Variants in KMT5B observed in about 807,000 individuals in gnomAD.
KMT5B encodes histone-lysine N-methyltransferase KMT5B.
Under a neutral mutation model 83.2 loss-of-function variants are expected in KMT5B, and 10 were observed. The observed-to-expected ratio is 0.12, with a 90% confidence interval of 0.07 to 0.20. The LOEUF (loss-of-function observed/expected upper bound fraction) is 0.20, where lower values mean the gene tolerates loss of function less well. Ranked by LOEUF, KMT5B falls within the 10% of genes least tolerant of loss-of-function variation. KMT5B has a pLI of 1.00. For synonymous variants in KMT5B, 349 were observed against 388.8 expected, an observed-to-expected ratio of 0.90 and a Z score of 1.20; for missense variants, 753 against 1,067.2, an observed-to-expected ratio of 0.71 and a Z score of 4.10.
At chr11:68,200,577 C>T (rs1371718550) in intron 1 of KMT5B, among the ~76,000 whole-genome samples, 1 of 152,088 alleles carries the variant, frequency 6.6e-6, no homozygotes, top group Admixed American at 6.6e-5. Context: ...GACTGACTCG[C>T]AGGCCAGAAA....
chr11:68,202,696 G>A (rs1033156043), intron 1 of KMT5B, among the ~76,000 whole-genome samples: 16 of 151,510 alleles, frequency 1.1e-4, no homozygotes, highest in Admixed American at 8.6e-4. Context: ...TTACAGGCGC[G>A]CACCACTATG....
intron 3 of KMT5B, among the ~76,000 whole-genome samples, chr11:68,180,984 G>GT (rs1211796422): frequency 6.6e-6 from 1 of 151,982 alleles, no homozygotes; most frequent in African/African-American, 2.4e-5. Flanking sequence ...GTTAGTAAAT[G>GT]TAAGGATATA....
chr11:68,206,126 G>C (rs1231665076), intron 1 of KMT5B, among the ~76,000 whole-genome samples: 7 of 152,134 alleles, frequency 4.6e-5, no homozygotes, highest in Non-Finnish European at 1.0e-4. Flanking sequence ...TCACTGATGG[G>C]GTTGTTGAGG....
At position 68,158,977 on chromosome 11, in the gene KMT5B, G is replaced by A. The variant is rs373472607; in HGVS notation, c.1369C>T (p.His457Tyr). 3.7e-6 allele frequency: 6 copies of A among 1,611,808 alleles called. No homozygotes were observed. In the African/African-American group the frequency reaches 6.7e-5, roughly 18 times the overall value. Residue 457 changes from histidine (H) to tyrosine (Y), a missense_variant, in exon 11 of 11, where the codon CAT becomes TAT. Transcript: ENST00000304363. ...PLLSKIKLRN[H>Y]CKRLEQKNAS... ...TTCTTTTGCTCCAGCCGCTTGCAAT[G>A]ATTTCTCAATTTTATCTTTGAAAGT...
At position 68,203,713 on chromosome 11, in the gene KMT5B, C is replaced by T. The variant is rs549618833; in HGVS notation, c.-77+9425G>A. On this transcript the variant is annotated intron_variant, in intron 1 of 10. Transcript: ENST00000304363. ...CTTGCTCCTATAAACATTGTTGTCT[C>T]ACCTGAGAAGCTAGGTGACTTGTCA... is the stretch of plus-strand genomic sequence containing the variant. Among the ~76,000 whole-genome samples the T allele has an allele frequency of 2.0e-5, 3 of 152,328 alleles. No individual in the cohort carries two copies. The South Asian group carries it at 6.2e-4, about 32-fold the overall frequency.
chr11:68,213,218 G>T lies in KMT5B; in HGVS notation c.-157C>A, dbSNP rs1169089948. On this transcript the variant is annotated 5_prime_UTR_variant, in exon 1 of 11. Coordinates refer to ENST00000304363, the MANE Select transcript of KMT5B (RefSeq NM_017635.5). Reference sequence around the variant, plus strand: ...GCTGCGATGCGGGGCCGCGCCGCCGGGCCCCGCGTCCCAGTCCCCCCCAGA... The same window carrying T: ...GCTGCGATGCGGGGCCGCGCCGCCGTGCCCCGCGTCCCAGTCCCCCCCAGA... 6.9e-6 allele frequency: 1 copy of T among 144,430 alleles called. No individual in the cohort carries two copies. Among genetic ancestry groups the T allele is most frequent in the Admixed American group, 6.8e-5 (1 of 14,626 alleles). The allele number at this position is 144,430 out of a possible 1,614,324, so 8.9% of individuals were successfully genotyped here.
chr11:68,190,987 T>A (rs916986334), intron 1 of KMT5B, among the ~76,000 whole-genome samples: 2 of 152,030 alleles, frequency 1.3e-5, no homozygotes, highest in African/African-American at 4.8e-5. Flanking sequence ...AAAATAATAA[T>A]ATATTTTTGT....
chr11:68,194,799 C>CT (rs1180011127), intron 1 of KMT5B, among the ~76,000 whole-genome samples: 1 of 152,166 alleles, frequency 6.6e-6, no homozygotes, highest in Non-Finnish European at 1.5e-5. Flanking sequence ...TGGCTATAAG[C>CT]TTTCATTGGT....
chr11:68,166,317 T>C, intron 10 of KMT5B: 1 of 1,061,342 alleles, frequency 9.4e-7, no homozygotes, highest in Non-Finnish European at 1.1e-6. Flanking sequence ...TCGTTCTCTT[T>C]TTCAGTTTCC....
chr11:68,197,069 C>G (rs1858813420), intron 1 of KMT5B, among the ~76,000 whole-genome samples: 3 of 151,716 alleles, frequency 2.0e-5, no homozygotes, highest in Admixed American at 6.6e-5. Context: ...TTCCTGGGTT[C>G]AAGCGATTCT....
intron 1 of KMT5B, among the ~76,000 whole-genome samples, chr11:68,207,682 T>C (rs1860306422): frequency 6.6e-6 from 1 of 150,676 alleles, no homozygotes; most frequent in South Asian, 2.1e-4. Flanking sequence ...TCCCAGCTAC[T>C]CGGGAGGCTG....
At chr11:68,176,551 C>G (rs533160143) in intron 4 of KMT5B, 1 of 152,092 alleles carries the variant, frequency 6.6e-6, no homozygotes, top group Admixed American at 6.6e-5. Flanking sequence ...TTTGGGAGGT[C>G]GAGGCGGATG....
chr11:68,182,416 A>T (rs1371894946), intron 3 of KMT5B, among the ~76,000 whole-genome samples: 1 of 152,230 alleles, frequency 6.6e-6, no homozygotes, highest in Non-Finnish European at 1.5e-5. Context: ...TAAACTAATT[A>T]TAAGAAGCAA....
chr11:68,212,102 A>T (rs955063322), intron 1 of KMT5B, among the ~76,000 whole-genome samples: 4 of 152,220 alleles, frequency 2.6e-5, no homozygotes, highest in African/African-American at 9.6e-5. Flanking sequence ...ACTAATTATC[A>T]ATATTATAGG....
chr11:68,157,725 C>G lies in KMT5B; in HGVS notation c.2621G>C (p.Arg874Thr). 6.2e-7 allele frequency: 1 copy of G among 1,602,328 alleles called. No individual in the cohort carries two copies. The highest frequency in any genetic ancestry group is 1.1e-5 in the South Asian group (1 of 89,204). The change falls in exon 11 of 11, where the codon AGG (arginine) becomes ACG (threonine). Residue 874 changes from arginine (R) to threonine (T), a missense_variant. Coordinates refer to ENST00000304363, the MANE Select transcript of KMT5B (RefSeq NM_017635.5). ...KDSIDIDISS[R>T]RREDQSLRLN... ...CCTTAAAGACTGATCTTCTCTTCTC[C>G]TTGAAGAAATGTCAATATCTATAGA...
chr11:68,198,790 C>CA (rs1432986607), intron 1 of KMT5B, among the ~76,000 whole-genome samples: 1 of 152,158 alleles, frequency 6.6e-6, no homozygotes, highest in African/African-American at 2.4e-5. Context: ...AGTGCAGTGG[C>CA]ACGATCTTGG....
At chr11:68,173,132 C>T (rs1856007394) in intron 6 of KMT5B, among the ~76,000 whole-genome samples, 1 of 152,156 alleles carries the variant, frequency 6.6e-6, no homozygotes, top group Non-Finnish European at 1.5e-5. Context: ...CCTCTGTCTC[C>T]TGGGTTCAAG....
intron 4 of KMT5B, among the ~76,000 whole-genome samples, chr11:68,177,186 T>A (rs888659806): frequency 6.6e-6 from 1 of 152,198 alleles, no homozygotes; most frequent in Non-Finnish European, 1.5e-5. Context: ...CTAAAAGACA[T>A]ATATATGCAT....
At chr11:68,199,653 A>G (rs1302577436) in intron 1 of KMT5B, among the ~76,000 whole-genome samples, 1 of 152,228 alleles carries the variant, frequency 6.6e-6, no homozygotes, top group African/African-American at 2.4e-5. Context: ...GTACTTTAAA[A>G]AAGCAGTTCT....
Sources: gnomAD v4.1 joint callset for allele counts (sites outside exome capture counted in the v4.1 genomes callset) on GRCh38, gnomAD v4.1.1 for gene constraint, MANE v1.5 for transcripts, NCBI Gene and HGNC (gene_info 2026-07-23, HGNC 2026-07-21) for gene names.